AK7: variants seen among roughly 807,000 people sequenced by gnomAD.
AK7 encodes ATP-AMP transphosphorylase 7.
AK7 carries 78 observed loss-of-function variants against 96.6 expected under a neutral mutation model. The observed-to-expected ratio is 0.81, with a 90% confidence interval of 0.67 to 0.97. The LOEUF is 0.97. Among genes scored for constraint, AK7 ranks in the 50% least tolerant of loss-of-function variants. AK7 has a pLI of 0.00. For synonymous variants in AK7, 302 were observed against 317.2 expected (o/e 0.95, Z 0.51); for missense variants, 855 against 887.9 (o/e 0.96, Z 0.47).
Position 96,472,676 on chromosome 14 carries a change from T to G in AK7, c.1487-11T>G. 6.2e-7 allele frequency: 1 copy of G among 1,609,624 alleles called. No individual in the cohort carries two copies. The highest frequency in any genetic ancestry group is 8.5e-7 in the Non-Finnish European group (1 of 1,176,180). On this transcript the variant is annotated splice_polypyrimidine_tract_variant and intron_variant, in intron 13 of 17. Coordinates refer to ENST00000267584, the MANE Select transcript of AK7 (RefSeq NM_152327.5). ...TTAATAAACACAATGAGGAATATTT[T>G]GTTTTCTTAGAGGAAGATGAGGAGG...
chr14:96,441,638 G>A (rs1179267331), intron 6 of AK7, among the ~76,000 whole-genome samples: 5 of 61,612 alleles, frequency 8.1e-5, no homozygotes, highest in Admixed American at 5.1e-4. Flanking sequence ...GCAAGACTCC[G>A]TCTCAAAAAA....
chr14:96,398,315 C>A, intron 2 of AK7, 52 bp downstream of exon 2: 3 of 1,583,126 alleles, frequency 1.9e-6, no homozygotes. Context: ...AGTCACCTTC[C>A]GCTCCAACGC....
Position 96,449,810 on chromosome 14 carries a change from T to G in AK7, c.879T>G (p.Ser293Arg). The change falls in exon 9 of 18, where the codon AGT becomes AGG. Residue 293 changes from serine to arginine, a missense_variant. Coordinates refer to ENST00000267584, the MANE Select transcript of AK7 (RefSeq NM_152327.5). The stretch of plus-strand genomic sequence containing the variant: ...CGATTTTCCTCTAACAGTGTATCAG[T>G]AAAAATACTGGCCCTGGGAAAATCC... ...HTLEDIVKCI[S>R]KNTGPGKIQK... is the part of the protein sequence containing the mutation. The G allele has an allele frequency of 6.2e-7, 1 of 1,609,446 alleles. No homozygotes were observed. Among genetic ancestry groups the G allele is most frequent in the Non-Finnish European group, 8.5e-7 (1 of 1,177,370 alleles).
At chr14:96,475,789 T>C (rs1566810113) in intron 14 of AK7, among the ~76,000 whole-genome samples, 3 of 151,824 alleles carry the variant, frequency 2.0e-5, no homozygotes, top group South Asian at 4.2e-4. Context: ...ATGGGCAATA[T>C]AGCAAGACCC....
intron 7 of AK7, among the ~76,000 whole-genome samples, chr14:96,443,577 C>G (rs979450217): frequency 6.6e-6 from 1 of 152,050 alleles, no homozygotes; most frequent in South Asian, 2.1e-4. Flanking sequence ...AACTTCAGGG[C>G]CACACCCCTG....
intron 14 of AK7, among the ~76,000 whole-genome samples, chr14:96,476,905 A>ATGAAAAATTT (rs1895217764): frequency 6.6e-6 from 1 of 152,264 alleles, no homozygotes; most frequent in South Asian, 2.1e-4. Context: ...CTAACAAATG[A>ATGAAAAATTT]GTATCATGTT....
In AK7 at chr14:96,420,862, G is replaced by A. The variant is rs1200950454; in HGVS notation, c.539G>A (p.Arg180Lys). The A allele has an allele frequency of 6.2e-7, 1 of 1,613,710 alleles. No individual in the cohort carries two copies. Among genetic ancestry groups the A allele is most frequent in the East Asian group, 2.2e-5 (1 of 44,878 alleles). The change falls in exon 5 of 18, where the codon AGA (arginine) becomes AAA (lysine). Residue 180 changes from arginine (R) to lysine (K), a missense_variant. Physicochemically the swap from Arg to Lys is conservative, Grantham distance 26. Coordinates refer to ENST00000267584, the MANE Select transcript of AK7 (RefSeq NM_152327.5). ...EVPFTEEDYR[R>K]RKSHPNFLDH... is the part of the protein sequence containing the mutation. ...CCATTCACTGAAGAAGATTATCGAA[G>A]AAGAAAGTCTCATCCTAATTTTCTG...
At chr14:96,487,745 A>G (rs569636493) in intron 17 of AK7, among the ~76,000 whole-genome samples, 35 of 151,980 alleles carry the variant, frequency 2.3e-4, no homozygotes, top group African/African-American at 6.5e-4. Flanking sequence ...CTGAATCTTA[A>G]CAGAAAACCA....
chr14:96,486,771 A>G, intron 16 of AK7, 127 bp from the exon 17 acceptor site: 1 of 766,596 alleles, frequency 1.3e-6, no homozygotes, highest in South Asian at 2.0e-5. Flanking sequence ...TGCTGATTGG[A>G]AATGCCATCT....
intron 5 of AK7, among the ~76,000 whole-genome samples, chr14:96,435,481 A>G (rs1414967775): frequency 9.2e-5 from 14 of 151,966 alleles, no homozygotes; most frequent in Admixed American, 8.5e-4. Context: ...CGGAGCCACG[A>G]GCCATGCAGC....
intron 13 of AK7, among the ~76,000 whole-genome samples, chr14:96,472,239 G>A (rs745692348): frequency 3.3e-5 from 5 of 152,110 alleles, no homozygotes; most frequent in Admixed American, 6.6e-5. Flanking sequence ...ATAGTTTACT[G>A]CAGCCTTGAC....
chr14:96,485,379 TCC>T (rs1246569509), intron 16 of AK7, among the ~76,000 whole-genome samples: 2 of 152,178 alleles, frequency 1.3e-5, no homozygotes, highest in African/African-American at 4.8e-5. Flanking sequence ...CCAGTTGGCC[TCC>T]CAAGTCGTGC....
At chr14:96,424,801 A>C (rs1891927222) in intron 5 of AK7, among the ~76,000 whole-genome samples, 2 of 152,210 alleles carry the variant, frequency 1.3e-5, no homozygotes, top group Admixed American at 6.5e-5. Context: ...GTTTAAATTT[A>C]TTCCAGTTCT....
intron 5 of AK7, 52 bp from the exon 6 acceptor site, chr14:96,437,783 T>C: frequency 7.2e-7 from 1 of 1,384,200 alleles, no homozygotes; most frequent in Non-Finnish European, 1.0e-6. Context: ...TCTGGTTCAG[T>C]ATGACTAATA....
At position 96,440,157 on chromosome 14, in the gene AK7, G is replaced by A. The variant is rs1010368331; in HGVS notation, c.690+2242G>A. Among the ~76,000 whole-genome samples the A allele has an allele frequency of 2.7e-4, 41 of 152,174 alleles. 1 individual carries two copies. Among genetic ancestry groups the A allele is most frequent in the African/African-American group, 8.2e-4 (34 of 41,504 alleles). ...TGCCCAGCTAATTTTTGTATTTTTA[G>A]TAGAGACAGGGTTTCACCATATTGG... is the stretch of plus-strand genomic sequence containing the variant. On this transcript the variant is annotated intron_variant, in intron 6 of 17. Transcript: ENST00000267584.
In AK7 at chr14:96,445,094, T is replaced by C. The variant is rs138707521; in HGVS notation, c.780-1423T>C. The stretch of plus-strand genomic sequence containing the variant: ...AACTTTGAAATGACCAATGTGCTTT[T>C]TGTTCTTTGTTTCTGCTTTCTGCAG... On this transcript the variant is annotated intron_variant, in intron 7 of 17. Transcript: ENST00000267584. Among the ~76,000 whole-genome samples, 512 of 152,342 alleles carry C rather than the reference T, an allele frequency of 3.4e-3. 4 individuals are homozygous for C. The highest frequency in any genetic ancestry group is 0.012 in the African/African-American group (492 of 41,582).
At chr14:96,468,073 CAAA>C (rs35563628) in intron 12 of AK7, among the ~76,000 whole-genome samples, 2 of 79,110 alleles carry the variant, frequency 2.5e-5, no homozygotes. Context: ...CCCGTCTCTA[CAAA>C]AAAAAAAAAA....
At chr14:96,442,673 C>A in intron 6 of AK7, 57 bp from the exon 7 acceptor site, 1 of 1,303,384 alleles carries the variant, frequency 7.7e-7, no homozygotes, top group Non-Finnish European at 1.1e-6. Flanking sequence ...TATGTGTGAG[C>A]TGTAATAGCC....
chr14:96,408,990 C>T (rs1566763889), intron 4 of AK7, 49 bp downstream of exon 4: 1 of 1,576,958 alleles, frequency 6.3e-7, no homozygotes. Context: ...GCCATAACAC[C>T]TTGTAATCTG....
Sources: gnomAD v4.1 joint callset for allele counts (sites outside exome capture counted in the v4.1 genomes callset) on GRCh38, gnomAD v4.1.1 for gene constraint, MANE v1.5 for transcripts, NCBI Gene and HGNC (gene_info 2026-07-23, HGNC 2026-07-21) for gene names.